The following AOPEP variants were observed in gnomAD, a reference collection of about 807,000 sequenced individuals.
AOPEP encodes the protein aminopeptidase O (putative), also known as aminopeptidase O.
AOPEP carries 77 observed loss-of-function variants against 98.1 expected under a neutral mutation model. The observed-to-expected ratio is 0.78, with a 90% CI of 0.65 to 0.95. AOPEP has a LOEUF of 0.95. Ranked by LOEUF, AOPEP falls within the 40% of genes least tolerant of loss-of-function variation. The pLI is 0.00. For missense variants in AOPEP, 1,024 were observed against 1,024.7 expected, an observed-to-expected ratio of 1.00 and a Z score of 0.01; for synonymous variants, 346 against 365.3, an observed-to-expected ratio of 0.95 and a Z score of 0.60.
intron 9 of AOPEP, among the ~76,000 whole-genome samples, chr9:94,962,448 G>A (rs994547324): frequency 1.3e-5 from 2 of 152,242 alleles, no homozygotes; most frequent in African/African-American, 4.8e-5. Context: ...GGTCGGTGCA[G>A]AGGGAGAGTT....
chr9:94,799,792 G>T (rs947973175), intron 4 of AOPEP, among the ~76,000 whole-genome samples: 1 of 152,136 alleles, frequency 6.6e-6, no homozygotes, highest in African/African-American at 2.4e-5. Context: ...AACCTGGGAG[G>T]TGGAAGTTGC....
chr9:94,879,194 A>G (rs1430414173), intron 5 of AOPEP, among the ~76,000 whole-genome samples: 3 of 152,228 alleles, frequency 2.0e-5, no homozygotes, highest in Admixed American at 1.3e-4. Flanking sequence ...TCTAATCTTC[A>G]GGCTAATTTA....
intron 9 of AOPEP, among the ~76,000 whole-genome samples, chr9:94,965,563 C>T (rs1005339706): frequency 6.6e-6 from 1 of 152,256 alleles, no homozygotes; most frequent in African/African-American, 2.4e-5. Flanking sequence ...CTCTGTAATT[C>T]TAGCTGTTCT....
intron 2 of AOPEP, chr9:94,763,214 G>A (rs770948301): frequency 7.1e-5 from 25 of 349,668 alleles, no homozygotes; most frequent in Non-Finnish European, 1.1e-4. Flanking sequence ...TGATCTTCAC[G>A]TCACTTACTG....
At chr9:95,036,028 T>C (rs1466362523) in intron 13 of AOPEP, among the ~76,000 whole-genome samples, 1 of 152,184 alleles carries the variant, frequency 6.6e-6, no homozygotes, top group Non-Finnish European at 1.5e-5. Flanking sequence ...CACTGAGTTT[T>C]CTTGAATAGA....
At chr9:94,837,827 A>G (rs754499057) in intron 5 of AOPEP, among the ~76,000 whole-genome samples, 13 of 152,208 alleles carry the variant, frequency 8.5e-5, no homozygotes, top group Non-Finnish European at 1.6e-4. Context: ...AAAAGTTGAA[A>G]GCTTTCTCTC....
rs372787659 is a variant in AOPEP, at chr9:94,887,350, A to AAAT, written c.1365-36611_1365-36609dup. Reference sequence around the variant, plus strand: ...GCGACAGAGCCAGACCCTGTCTCCAAAATAATAATAATAATAATAATAATA... The same window carrying AAAT: ...GCGACAGAGCCAGACCCTGTCTCCAAAATAATAATAATAATAATAATAATAATA... On this transcript the variant is annotated intron_variant, in intron 5 of 16. Coordinates refer to ENST00000375315, the MANE Select transcript of AOPEP (RefSeq NM_001193329.3). Among the ~76,000 whole-genome samples the AAAT allele has an allele frequency of 3.1e-3, 470 of 150,702 alleles. 2 individuals are homozygous for AAAT. Among genetic ancestry groups the AAAT allele is most frequent in the South Asian group, 8.0e-3 (38 of 4,772 alleles).
chr9:94,817,367 AG>A (rs1386439129), intron 5 of AOPEP, among the ~76,000 whole-genome samples: 1 of 152,230 alleles, frequency 6.6e-6, no homozygotes, highest in Non-Finnish European at 1.5e-5. Flanking sequence ...GAAGAAGAAG[AG>A]GAAAGTTAAC....
chr9:94,849,134 G>A (rs1305222426), intron 5 of AOPEP, among the ~76,000 whole-genome samples: 4 of 152,194 alleles, frequency 2.6e-5, no homozygotes, highest in Admixed American at 2.6e-4. Context: ...ATGGGGCAGG[G>A]GGTAGGAATA....
chr9:95,071,259 C>T (rs753329098), intron 14 of AOPEP, among the ~76,000 whole-genome samples: 13 of 151,912 alleles, frequency 8.6e-5, no homozygotes, highest in African/African-American at 2.4e-4. Context: ...AAATCCCAAA[C>T]TTTTTGAGTG....
intron 3 of AOPEP, among the ~76,000 whole-genome samples, chr9:94,780,033 G>C (rs1842937431): frequency 6.6e-6 from 1 of 152,316 alleles, no homozygotes; most frequent in African/African-American, 2.4e-5. Flanking sequence ...CTCACATCTG[G>C]ATGATTTTAG....
downstream of AOPEP, among the ~76,000 whole-genome samples, chr9:95,091,226 A>G (rs1455633569): frequency 6.6e-6 from 1 of 152,086 alleles, no homozygotes; most frequent in Non-Finnish European, 1.5e-5. Context: ...TGTGTGGGTC[A>G]TGGGTGGGGG....
chr9:94,909,401 C>T (rs1243504041), intron 5 of AOPEP, among the ~76,000 whole-genome samples: 2 of 133,824 alleles, frequency 1.5e-5, no homozygotes, highest in African/African-American at 2.7e-5. Flanking sequence ...ATTAGGTAAA[C>T]CATTATGGTT....
intron 13 of AOPEP, among the ~76,000 whole-genome samples, chr9:95,024,554 G>A (rs936395807): frequency 1.3e-5 from 2 of 152,222 alleles, no homozygotes; most frequent in African/African-American, 4.8e-5. Flanking sequence ...TGTGAGTACC[G>A]ACTGCCCAAG....
Position 95,080,704 on chromosome 9 carries a change from G to A in AOPEP, c.2243G>A (p.Arg748Gln), listed in dbSNP as rs755804301. 10 of 1,613,542 alleles carry A rather than the reference G, an allele frequency of 6.2e-6. No individual in the cohort carries two copies. The highest frequency in any genetic ancestry group is 2.2e-5 in the East Asian group (1 of 44,874). The change falls in exon 15 of 17, where the codon CGG becomes CAG. Residue 748 changes from arginine to glutamine, a missense_variant. Arg to Gln is a conservative substitution (Grantham distance 43). Coordinates refer to ENST00000375315, the MANE Select transcript of AOPEP (RefSeq NM_001193329.3). Reference protein sequence around the residue: ...LQDQDAEVRHRWCELIVKHKF... With the variant: ...LQDQDAEVRHQWCELIVKHKF... ...CTCTTGTTCCTCCAGGTTCGCCATC[G>A]GTGGTGTGAACTCATTGTTAAGCAC...
intron 5 of AOPEP, chr9:94,824,474 A>T (rs1191739653): frequency 1.3e-5 from 2 of 152,262 alleles, no homozygotes; most frequent in Non-Finnish European, 2.9e-5. Context: ...GAACCAGAAA[A>T]GAGAAAATTT....
At chr9:94,838,109 C>T (rs2041844311) in intron 5 of AOPEP, among the ~76,000 whole-genome samples, 1 of 151,960 alleles carries the variant, frequency 6.6e-6, no homozygotes, top group South Asian at 2.1e-4. Flanking sequence ...CCTGGGTTCA[C>T]GCCATTCTCC....
intron 13 of AOPEP, among the ~76,000 whole-genome samples, chr9:95,020,810 C>G (rs1381147004): frequency 2.0e-5 from 3 of 148,090 alleles, no homozygotes; most frequent in Non-Finnish European, 3.0e-5. Context: ...CCCAGCTACT[C>G]AGGAGGCTGA....
intron 5 of AOPEP, among the ~76,000 whole-genome samples, chr9:94,808,593 G>A (rs1215867728): frequency 6.6e-6 from 1 of 152,342 alleles, no homozygotes; most frequent in East Asian, 1.9e-4. Flanking sequence ...ATTGTTCCCA[G>A]AAGACAGAAT....
Sources: allele counts gnomAD v4.1 joint callset (sites outside exome capture counted in the v4.1 genomes callset), GRCh38; gene constraint gnomAD v4.1.1; transcripts MANE v1.5; gene names NCBI Gene and HGNC (gene_info 2026-07-23, HGNC 2026-07-21).